Variants in TAFA1 observed in about 807,000 individuals in gnomAD.
The protein encoded by TAFA1 is TAFA chemokine like family member 1.
A neutral mutation model predicts 18.5 loss-of-function variants in TAFA1; 4 were observed. That is an observed-to-expected ratio of 0.22 (90% CI 0.11 to 0.49). The LOEUF (loss-of-function observed/expected upper bound fraction) is 0.49. Among genes scored for constraint, TAFA1 ranks in the 20% least tolerant of loss-of-function variants. The pLI is 0.98. For synonymous variants in TAFA1, 56 were observed against 55.2 expected (o/e 1.01, Z -0.06); for missense variants, 147 against 169.0 (o/e 0.87, Z 0.72).
chr3:68,385,552 G>T (rs2070080766), intron 2 of TAFA1, among the ~76,000 whole-genome samples: 1 of 152,074 alleles, frequency 6.6e-6, no homozygotes, highest in Admixed American at 6.6e-5. Context: ...TTTCTGCCTT[G>T]AAAGTTGTTA....
chr3:68,479,955 C>G (rs1176951803), intron 3 of TAFA1, among the ~76,000 whole-genome samples: 1 of 152,074 alleles, frequency 6.6e-6, no homozygotes, highest in Non-Finnish European at 1.5e-5. Flanking sequence ...CATTAGCTAA[C>G]ATGGTTTGAG....
chr3:68,276,487 AC>A lies in TAFA1; in HGVS notation c.119-140790del, dbSNP rs562041864. ...AAAATGTTGCAGAAGTTGTTGTGCC[AC>A]CCAGTGGGTTTTCAGTTGATTTGTG... On this transcript the variant is annotated intron_variant, in intron 2 of 4. Transcript: ENST00000478136. Among the ~76,000 whole-genome samples, 183 of 152,218 alleles carry A rather than the reference AC, an allele frequency of 1.2e-3. 1 individual carries two copies. The highest frequency in any genetic ancestry group is 3.7e-3 in the East Asian group (19 of 5,166).
chr3:68,357,256 C>A (rs768217071), intron 2 of TAFA1, among the ~76,000 whole-genome samples: 17 of 151,886 alleles, frequency 1.1e-4, no homozygotes, highest in Non-Finnish European at 2.2e-4. Flanking sequence ...TATTTAGCAA[C>A]TTACTTGAGT....
chr3:68,197,194 A>G (rs149962618), intron 2 of TAFA1, among the ~76,000 whole-genome samples: 11 of 151,930 alleles, frequency 7.2e-5, no homozygotes, highest in Admixed American at 2.0e-4. Flanking sequence ...AGTATTGCCA[A>G]TACAGGTTTA....
intron 2 of TAFA1, among the ~76,000 whole-genome samples, chr3:68,261,910 G>A (rs1233580741): frequency 1.4e-5 from 2 of 138,038 alleles, no homozygotes; most frequent in Non-Finnish European, 3.1e-5. Context: ...AAAACTTAAA[G>A]TATAATAATA....
At chr3:68,532,763 G>C (rs1278923562) in intron 3 of TAFA1, among the ~76,000 whole-genome samples, 6 of 151,934 alleles carry the variant, frequency 3.9e-5, no homozygotes, top group Non-Finnish European at 8.8e-5. Context: ...GTAGCTTTCA[G>C]TTTGGGTGAA....
At chr3:68,097,437 C>T (rs2065099034) in intron 2 of TAFA1, among the ~76,000 whole-genome samples, 1 of 152,114 alleles carries the variant, frequency 6.6e-6, no homozygotes, top group Non-Finnish European at 1.5e-5. Context: ...GTTTGCTGCA[C>T]GGCACACCAA....
At chr3:68,283,500 T>G (rs1490259151) in intron 2 of TAFA1, among the ~76,000 whole-genome samples, 1 of 152,218 alleles carries the variant, frequency 6.6e-6, no homozygotes. Context: ...TAAAACACCA[T>G]GACTTTACTA....
intron 2 of TAFA1, among the ~76,000 whole-genome samples, chr3:68,240,210 C>T (rs767823952): frequency 6.6e-6 from 1 of 152,042 alleles, no homozygotes; most frequent in African/African-American, 2.4e-5. Context: ...CCCAACTATA[C>T]CACTCCACTT....
At chr3:68,228,332 C>T (rs979768270) in intron 2 of TAFA1, among the ~76,000 whole-genome samples, 15 of 152,246 alleles carry the variant, frequency 9.9e-5, no homozygotes, top group Admixed American at 9.2e-4. Flanking sequence ...AAGCCCATTG[C>T]AGCCTTGAAT....
intron 2 of TAFA1, among the ~76,000 whole-genome samples, chr3:68,331,746 C>G (rs1413947727): frequency 6.6e-6 from 1 of 151,140 alleles, no homozygotes; most frequent in Non-Finnish European, 1.5e-5. Flanking sequence ...GATACACAGA[C>G]CAATGGAACA....
At chr3:68,397,122 G>A (rs895798406) in intron 2 of TAFA1, among the ~76,000 whole-genome samples, 2 of 152,056 alleles carry the variant, frequency 1.3e-5, no homozygotes, top group African/African-American at 4.8e-5. Context: ...GTTCTCGTGA[G>A]GATCTTCCGT....
intron 3 of TAFA1, among the ~76,000 whole-genome samples, chr3:68,521,541 G>A (rs1043652729): frequency 1.3e-5 from 2 of 152,120 alleles, no homozygotes; most frequent in African/African-American, 4.8e-5. Flanking sequence ...GAGGAAATAG[G>A]AGCACAATAC....
At chr3:68,235,212 A>T (rs1443863070) in intron 2 of TAFA1, among the ~76,000 whole-genome samples, 1 of 152,202 alleles carries the variant, frequency 6.6e-6, no homozygotes, top group Non-Finnish European at 1.5e-5. Flanking sequence ...ATCTTATTTT[A>T]TTCCAACCGA....
At chr3:68,111,373 A>T (rs1248233242) in intron 2 of TAFA1, among the ~76,000 whole-genome samples, 4 of 151,980 alleles carry the variant, frequency 2.6e-5, no homozygotes, top group African/African-American at 9.7e-5. Flanking sequence ...GGCAAAATAA[A>T]TATATATATA....
intron 2 of TAFA1, among the ~76,000 whole-genome samples, chr3:68,095,484 C>T (rs2106805712): frequency 6.6e-6 from 1 of 152,210 alleles, no homozygotes; most frequent in East Asian, 1.9e-4. Context: ...TTGTTAAAAT[C>T]AGGACCCACT....
intron 3 of TAFA1, among the ~76,000 whole-genome samples, chr3:68,436,090 A>T (rs2071264226): frequency 6.6e-6 from 1 of 152,206 alleles, no homozygotes; most frequent in Non-Finnish European, 1.5e-5. Context: ...CTGGGGAATA[A>T]GGTAGAATGG....
At chr3:68,227,122 TC>T (rs1337331410) in intron 2 of TAFA1, among the ~76,000 whole-genome samples, 1 of 151,820 alleles carries the variant, frequency 6.6e-6, no homozygotes, top group Non-Finnish European at 1.5e-5. Context: ...TGGGGTGGAT[TC>T]CTTAAACATC....
chr3:68,122,539 C>A (rs2065413504), intron 2 of TAFA1, among the ~76,000 whole-genome samples: 1 of 152,076 alleles, frequency 6.6e-6, no homozygotes, highest in Non-Finnish European at 1.5e-5. Flanking sequence ...ATGACAGGAA[C>A]ACTTAATCCT....
Sources: allele counts gnomAD v4.1 joint callset (sites outside exome capture counted in the v4.1 genomes callset), GRCh38; gene constraint gnomAD v4.1.1; transcripts MANE v1.5; gene names NCBI Gene and HGNC (gene_info 2026-07-23, HGNC 2026-07-21).